Variants in SCN8A observed in about 807,000 individuals in gnomAD.
The protein encoded by SCN8A is sodium channel protein type 8 subunit alpha.
A neutral mutation model predicts 184.1 loss-of-function variants in SCN8A; 30 were observed. That is an observed-to-expected ratio of 0.16 (90% CI 0.12 to 0.22). The LOEUF is 0.22. Among genes scored for constraint, SCN8A ranks in the 10% least tolerant of loss-of-function variants. The pLI, the probability that SCN8A is intolerant of heterozygous loss-of-function variation, is 1.00. For missense variants in SCN8A, 1,057 were observed against 2,498.9 expected, an observed-to-expected ratio of 0.42 and a Z score of 12.30; for synonymous variants, 852 against 907.0, an observed-to-expected ratio of 0.94 and a Z score of 1.09.
intron 5 of SCN8A, among the ~76,000 whole-genome samples, chr12:51,688,425 G>A (rs1340094001): frequency 6.6e-6 from 1 of 152,078 alleles, no homozygotes. Context: ...GAAATTGTTC[G>A]CAAAACCTGG....
At chr12:51,678,125 A>G (rs1941256961) in intron 2 of SCN8A, among the ~76,000 whole-genome samples, 1 of 152,228 alleles carries the variant, frequency 6.6e-6, no homozygotes, top group South Asian at 2.1e-4. Context: ...AATCAGCCAT[A>G]TGAAACATAT....
chr12:51,779,940 G>T (rs1284637872), intron 20 of SCN8A, among the ~76,000 whole-genome samples: 1 of 152,070 alleles, frequency 6.6e-6, no homozygotes, highest in African/African-American at 2.4e-5. Context: ...AGAGATAGAA[G>T]GATGTATTTA....
chr12:51,619,307 A>C (rs971622356), intron 1 of SCN8A, among the ~76,000 whole-genome samples: 3 of 152,190 alleles, frequency 2.0e-5, no homozygotes, highest in Non-Finnish European at 4.4e-5. Flanking sequence ...TATTTCATTA[A>C]TGAATATTCA....
At chr12:51,645,074 G>A (rs1205682046) in intron 1 of SCN8A, among the ~76,000 whole-genome samples, 4 of 149,700 alleles carry the variant, frequency 2.7e-5, no homozygotes, top group African/African-American at 9.9e-5. Context: ...CCGGGAGGGA[G>A]GTGGGGGGAT....
At chr12:51,668,669 C>T (rs1339019231) in intron 2 of SCN8A, among the ~76,000 whole-genome samples, 1 of 152,162 alleles carries the variant, frequency 6.6e-6, no homozygotes, top group Non-Finnish European at 1.5e-5. Flanking sequence ...TGTATCTTCT[C>T]AAGTCAAGGA....
intron 12 of SCN8A, among the ~76,000 whole-genome samples, chr12:51,735,267 A>T (rs960594388): frequency 2.6e-5 from 4 of 152,230 alleles, no homozygotes; most frequent in Admixed American, 2.0e-4. Context: ...GAGAGGTGCA[A>T]TTCAAGCTTA....
Sources: gnomAD v4.1 joint callset for allele counts (sites outside exome capture counted in the v4.1 genomes callset) on GRCh38, gnomAD v4.1.1 for gene constraint, MANE v1.5 for transcripts, NCBI Gene and HGNC (gene_info 2026-07-23, HGNC 2026-07-21) for gene names.